The following FGFR4 variants were observed in gnomAD, a reference collection of about 807,000 sequenced individuals.
FGFR4 encodes the protein fibroblast growth factor receptor 4.
Under a neutral mutation model 89.9 loss-of-function variants are expected in FGFR4, and 63 were observed. That is an observed-to-expected ratio of 0.70 (90% CI 0.57 to 0.86). FGFR4 has a LOEUF of 0.86. FGFR4 is among the 40% of genes least tolerant of loss of function. The pLI is 0.00. For missense variants in FGFR4, 928 were observed against 1,106.7 expected (o/e 0.84, Z 2.29); for synonymous variants, 486 against 479.4 (o/e 1.01, Z -0.18).
chr5:177,089,834 A>C, intron 2 of FGFR4, 141 bp downstream of exon 2: 1 of 1,045,624 alleles, frequency 9.6e-7, no homozygotes, highest in Non-Finnish European at 1.4e-6. Flanking sequence ...AACCACTGAG[A>C]CTCAGTCAGT....
chr5:177,097,784 G>C lies in FGFR4; in HGVS notation c.*108G>C. ...TTGATAGCATGGGGCCCCTGGCCCA[G>C]AGTTGCTGTGCCGTGTCCAAGGGCC... On this transcript the variant is annotated 3_prime_UTR_variant, in exon 18 of 18. Coordinates refer to ENST00000292408, the MANE Select transcript of FGFR4 (RefSeq NM_213647.3). The C allele has an allele frequency of 7.1e-7, 1 of 1,401,088 alleles. No homozygotes were observed. Among genetic ancestry groups the C allele is most frequent in the East Asian group, 2.4e-5 (1 of 41,906 alleles). 86.8% of individuals were successfully genotyped at this position (1,401,088 alleles called of 1,614,324 possible).
At chr5:177,088,486 G>C in intron 1 of FGFR4, 1 of 192,842 alleles carries the variant, frequency 5.2e-6, no homozygotes. Flanking sequence ...TGGACTGGAA[G>C]TGGAGTGGCA....
At position 177,091,767 on chromosome 5, in the gene FGFR4, C is replaced by T. The variant is rs781285001; in HGVS notation, c.686C>T (p.Ala229Val). The T allele has an allele frequency of 6.2e-7, 1 of 1,614,254 alleles. No individual in the cohort carries two copies. Among genetic ancestry groups the T allele is most frequent in the East Asian group, 2.2e-5 (1 of 44,886 alleles). ...RGTYTCLVEN[A>V]VGSIRYNYLL... Reference sequence around the variant, plus strand: ...ACATACACCTGCCTGGTAGAGAACGCTGTGGGCAGCATCCGCTATAACTAC... The same window carrying T: ...ACATACACCTGCCTGGTAGAGAACGTTGTGGGCAGCATCCGCTATAACTAC... Residue 229 changes from alanine (A) to valine (V), a missense_variant, in exon 6 of 18, where the codon GCT becomes GTT. Ala to Val is a moderately conservative substitution (Grantham distance 64). Coordinates refer to ENST00000292408, the MANE Select transcript of FGFR4 (RefSeq NM_213647.3).
Position 177,095,467 on chromosome 5 carries a change from C to CG in FGFR4, c.1630+30dup. The CG allele has an allele frequency of 6.2e-7, 1 of 1,613,798 alleles. No individual in the cohort carries two copies. The highest frequency in any genetic ancestry group is 8.5e-7 in the Non-Finnish European group (1 of 1,179,814). On this transcript the variant is annotated intron_variant, in intron 12 of 17. Coordinates refer to ENST00000292408, the MANE Select transcript of FGFR4 (RefSeq NM_213647.3). The surrounding 1 kb of genome is among the most constrained non-coding windows in gnomAD (Gnocchi z 5.7). ...TGGGGCCGAGGCGGGGCTGGCTGCA[C>CG]GGGCCGTTAGGGTGCAGAGCCAAAG...
intron 1 of FGFR4, among the ~76,000 whole-genome samples, 183 bp from the exon 2 acceptor site, chr5:177,089,367 G>T (rs373701308): frequency 6.6e-6 from 1 of 152,166 alleles, no homozygotes; most frequent in Non-Finnish European, 1.5e-5. Context: ...ACAACCTACC[G>T]TGGGGAGGCC....
Position 177,093,869 on chromosome 5 carries a change from C to G in FGFR4, c.1519+94C>G. ...ATCGCTTGAATCCAGGAATTCGAGG[C>G]CAGCCTGGGCAACATGGCAAGACTT... On this transcript the variant is annotated intron_variant, in intron 11 of 17. Coordinates refer to ENST00000292408, the MANE Select transcript of FGFR4 (RefSeq NM_213647.3). The surrounding 1 kb of genome is among the most constrained non-coding windows in gnomAD (Gnocchi z 5.8). 2 of 1,396,718 alleles carry G rather than the reference C, an allele frequency of 1.4e-6. No individual in the cohort carries two copies. The highest frequency in any genetic ancestry group is 2.7e-5 in the South Asian group (2 of 75,414). The allele number at this position is 1,396,718 out of a possible 1,614,324, so 86.5% of individuals were successfully genotyped here.
rs1469986401 is a variant in FGFR4, at chr5:177,091,585, G to A, written c.604-100G>A. ...GATGTTCTCAGGGCCTAGAGAGCTT[G>A]ACAAGAGCCCTGTGGGCAGGATGAG... On this transcript the variant is annotated intron_variant, in intron 5 of 17. Transcript: ENST00000292408. The A allele has an allele frequency of 4.6e-6, 7 of 1,513,374 alleles. No homozygotes were observed. In the East Asian group the frequency reaches 1.4e-4, roughly 30 times the overall value. The allele number at this position is 1,513,374 out of a possible 1,614,324, so 93.7% of individuals were successfully genotyped here.
At chr5:177,092,922 A>G (rs1218202854) in intron 8 of FGFR4, 138 bp downstream of exon 8, 20 of 1,434,180 alleles carry the variant, frequency 1.4e-5, no homozygotes, top group Non-Finnish European at 1.8e-5. Flanking sequence ...TGTGGGTTTG[A>G]GCTGTATGAC....
chr5:177,089,064 G>A (rs370457838), intron 1 of FGFR4, among the ~76,000 whole-genome samples: 2 of 152,186 alleles, frequency 1.3e-5, no homozygotes, highest in East Asian at 3.9e-4. Flanking sequence ...TGTCAGTTGT[G>A]ACCACCCAGC....
At chr5:177,097,228 C>T (rs1020920531) in intron 16 of FGFR4, 64 bp from the exon 17 acceptor site, 14 of 1,375,642 alleles carry the variant, frequency 1.0e-5, no homozygotes, top group African/African-American at 4.3e-5. Flanking sequence ...CAGAGAACCC[C>T]CGGTCCTCCC....
At position 177,093,201 on chromosome 5, in the gene FGFR4, C is replaced by T. The variant is rs763979974; in HGVS notation, c.1121C>T (p.Ala374Val). Residue 374 changes from alanine to valine, a missense_variant, in exon 9 of 18, where the codon GCG becomes GTG. Ala to Val is a moderately conservative substitution (Grantham distance 64, BLOSUM62 0). This residue lies in a region of FGFR4 where 741 missense variants were observed against 836.9 expected (regional missense o/e 0.89). Transcript: ENST00000292408. This position sits in a 1 kb window ranked among gnomAD's most constrained non-coding sequence, Gnocchi z 5.8. ...EARYTDIILY[A>V]SGSLALAVLL... ...AGGTATACGGACATCATCCTGTACG[C>T]GTCGGGCTCCCTGGCCTTGGCTGTG... 1.4e-5 allele frequency: 23 copies of T among 1,612,874 alleles called. No homozygotes were observed. Among genetic ancestry groups the T allele is most frequent in the African/African-American group, 4.0e-5 (3 of 74,912 alleles).
intron 16 of FGFR4, among the ~76,000 whole-genome samples, chr5:177,097,022 C>T (rs1784611817): frequency 1.1e-5 from 1 of 89,424 alleles, no homozygotes; most frequent in African/African-American, 4.5e-5. Flanking sequence ...CCTCTTCCTC[C>T]TCCTCCTCTT....
chr5:177,095,832 C>T lies in FGFR4; in HGVS notation c.1821+109C>T. 5 of 1,286,112 alleles carry T rather than the reference C, an allele frequency of 3.9e-6. No homozygotes were observed. Among genetic ancestry groups the T allele is most frequent in the Non-Finnish European group, 5.3e-6 (5 of 950,114 alleles). 79.7% of individuals were successfully genotyped at this position (1,286,112 alleles called of 1,614,324 possible). On this transcript the variant is annotated intron_variant, in intron 13 of 17. Coordinates refer to ENST00000292408, the MANE Select transcript of FGFR4 (RefSeq NM_213647.3). The surrounding 1 kb of genome is among the most constrained non-coding windows in gnomAD (Gnocchi z 5.7). The stretch of plus-strand genomic sequence containing the variant: ...CTCTCTGCTCTTTTTCATGACCCCA[C>T]CTCAGTGTCCCCAGGCATTCACGCT...
chr5:177,094,985 A>AC (rs1784497140), intron 11 of FGFR4: 1 of 283,604 alleles, frequency 3.5e-6, no homozygotes, highest in South Asian at 4.2e-5. Flanking sequence ...ACTACCGCTG[A>AC]CCCCTCCAGC....
At position 177,096,307 on chromosome 5, in the gene FGFR4, G is replaced by A. The variant is rs1474938687; in HGVS notation, c.1965G>A (p.Trp655Ter). The A allele has an allele frequency of 6.2e-7, 1 of 1,613,994 alleles. No individual in the cohort carries two copies. Among genetic ancestry groups the A allele is most frequent in the East Asian group, 2.2e-5 (1 of 44,892 alleles). ...TCCAGGGCCGCCTGCCTGTGAAGTG[G>A]ATGGCGCCCGAGGCCTTGTTTGACC... ...KTSNGRLPVK[W>*]MAPEALFDRV... Residue 655 changes from tryptophan to a stop codon, truncating the protein, a stop_gained, in exon 15 of 18, where the codon TGG (tryptophan) becomes TGA (stop). Transcript: ENST00000292408. LOFTEE classifies it high-confidence loss of function.
At chr5:177,090,357 C>T (rs376585869) in intron 2 of FGFR4, 33 bp from the exon 3 acceptor site, 16 of 1,599,336 alleles carry the variant, frequency 1.0e-5, no homozygotes, top group Admixed American at 1.7e-5. Context: ...GATGGGGCTG[C>T]GGGGTCTGCT....
intron 15 of FGFR4, 82 bp downstream of exon 15, chr5:177,096,439 C>A (rs1246123519): frequency 6.4e-7 from 1 of 1,557,676 alleles, no homozygotes; most frequent in Non-Finnish European, 8.8e-7. Context: ...AGGAGTCATG[C>A]GCTCGAGGGC....
At position 177,095,855 on chromosome 5, in the gene FGFR4, G is replaced by A. The variant is rs369000445; in HGVS notation, c.1821+132G>A. 2.2e-5 allele frequency: 27 copies of A among 1,254,048 alleles called. No homozygotes were observed. Among genetic ancestry groups the A allele is most frequent in the Admixed American group, 2.0e-4 (7 of 35,558 alleles). 77.7% of individuals were successfully genotyped at this position (1,254,048 alleles called of 1,614,324 possible). On this transcript the variant is annotated intron_variant, in intron 13 of 17. Coordinates refer to ENST00000292408, the MANE Select transcript of FGFR4 (RefSeq NM_213647.3). This position sits in a 1 kb window ranked among gnomAD's most constrained non-coding sequence, Gnocchi z 5.7. Reference sequence around the variant, plus strand: ...CACCTCAGTGTCCCCAGGCATTCACGCTTTCCTGCATTCCCCACTCGTTCC... The same window carrying A: ...CACCTCAGTGTCCCCAGGCATTCACACTTTCCTGCATTCCCCACTCGTTCC...
chr5:177,094,445 T>C (rs762230132), intron 11 of FGFR4, among the ~76,000 whole-genome samples: 1 of 152,076 alleles, frequency 6.6e-6, no homozygotes, highest in Non-Finnish European at 1.5e-5. Flanking sequence ...CAGCTTTGAC[T>C]TCACATCTCC....
Sources: gnomAD v4.1 joint callset for allele counts (sites outside exome capture counted in the v4.1 genomes callset) on GRCh38, gnomAD v4.1.1 for gene constraint, gnomAD v4.1.1 regional missense constraint, Gnocchi (gnomAD v3.1) non-coding constraint, MANE v1.5 for transcripts, NCBI Gene and HGNC (gene_info 2026-07-23, HGNC 2026-07-21) for gene names.